RASA2: variants seen among roughly 807,000 people sequenced by gnomAD.
The protein encoded by RASA2 is RAS p21 protein activator 2.
In RASA2, 155 loss-of-function variants were observed where a neutral mutation model predicts 118.2. The observed-to-expected ratio is 1.31, with a 90% confidence interval of 1.15 to 1.50. The LOEUF (loss-of-function observed/expected upper bound fraction) is 1.50. Ranked by LOEUF, RASA2 falls within the 40% of genes most tolerant of loss-of-function variation. The probability of loss-of-function intolerance (pLI) is 0.00; values close to 1 mark genes in which losing one functional copy is unlikely to be tolerated. For missense variants in RASA2, 1,016 were observed against 1,009.6 expected (o/e 1.01, Z -0.09); for synonymous variants, 353 against 349.1 (o/e 1.01, Z -0.12).
At chr3:141,535,137 C>A (rs989016948) in intron 4 of RASA2, among the ~76,000 whole-genome samples, 1 of 152,136 alleles carries the variant, frequency 6.6e-6, no homozygotes, top group Non-Finnish European at 1.5e-5. Context: ...ATGCTCACCT[C>A]ATTTCTCTAT....
intron 1 of RASA2, among the ~76,000 whole-genome samples, chr3:141,507,746 A>G (rs2081890781): frequency 6.6e-6 from 1 of 152,210 alleles, no homozygotes; most frequent in Admixed American, 6.5e-5. Flanking sequence ...GAACATGAAC[A>G]TCTCCATGAC....
intron 1 of RASA2, among the ~76,000 whole-genome samples, chr3:141,509,441 C>T (rs577558269): frequency 2.0e-5 from 3 of 152,258 alleles, no homozygotes; most frequent in South Asian, 2.1e-4. Context: ...GTGAATGAAA[C>T]AGAAACATGT....
At chr3:141,498,035 G>T (rs191529503) in intron 1 of RASA2, among the ~76,000 whole-genome samples, 2 of 152,186 alleles carry the variant, frequency 1.3e-5, no homozygotes, top group African/African-American at 2.4e-5. Context: ...TATGACATTT[G>T]TGTGAGTGGT....
At chr3:141,563,908 C>G (rs965948654) in intron 9 of RASA2, among the ~76,000 whole-genome samples, 5 of 151,496 alleles carry the variant, frequency 3.3e-5, no homozygotes, top group Non-Finnish European at 7.4e-5. Context: ...TCAGAGAGTT[C>G]CCTACTCATT....
chr3:141,581,650 G>A (rs1355685009), intron 17 of RASA2, among the ~76,000 whole-genome samples: 2 of 152,178 alleles, frequency 1.3e-5, no homozygotes, highest in Admixed American at 6.5e-5. Context: ...GTCTCTGGGG[G>A]TAAAGGCTTT....
intron 4 of RASA2, among the ~76,000 whole-genome samples, chr3:141,531,876 G>T (rs1013369221): frequency 5.9e-5 from 9 of 151,950 alleles, no homozygotes; most frequent in African/African-American, 2.2e-4. Context: ...TATGAGTCTA[G>T]AAAAGATAGA....
At chr3:141,534,631 A>G (rs1180391319) in intron 4 of RASA2, among the ~76,000 whole-genome samples, 1 of 152,136 alleles carries the variant, frequency 6.6e-6, no homozygotes, top group African/African-American at 2.4e-5. Flanking sequence ...CTGTTTAAAA[A>G]GACATTTAAA....
chr3:141,577,091 G>T lies in RASA2; in HGVS notation c.1575G>T (p.Leu525Phe). Residue 525 changes from leucine to phenylalanine, a missense_variant, in exon 15 of 24, where the codon TTG (leucine) becomes TTT (phenylalanine). Around this residue, in one of 2 missense-constraint regions of RASA2, gnomAD observed 896 missense variants for 836.4 expected, o/e 1.07. Coordinates refer to ENST00000286364, the MANE Select transcript of RASA2 (RefSeq NM_006506.5). ...TAGTATCACCTCATACTTTTCATTT[G>T]CGACCTCATCATCCAGTAAGTGTTC... ...VAVVSPHTFHLRPHHPDAQTI... is the reference protein window; with the variant it reads ...VAVVSPHTFHFRPHHPDAQTI... 6.3e-7 allele frequency: 1 copy of T among 1,596,828 alleles called. No homozygotes were observed. The highest frequency in any genetic ancestry group is 8.6e-7 in the Non-Finnish European group (1 of 1,166,618).
intron 19 of RASA2, among the ~76,000 whole-genome samples, chr3:141,590,315 C>G (rs2083269201): frequency 6.6e-6 from 1 of 152,112 alleles, no homozygotes; most frequent in African/African-American, 2.4e-5. Context: ...TTTTTGTGTT[C>G]CTATGTTCGC....
chr3:141,573,978 A>G lies in RASA2; in HGVS notation c.1394A>G (p.Asn465Ser), dbSNP rs371059099. The G allele has an allele frequency of 2.1e-5, 33 of 1,590,734 alleles. No individual in the cohort carries two copies. In the African/African-American group the frequency reaches 2.6e-4, roughly 12 times the overall value. ...NLRYYVDKLF[N>S]TIVKSSMSCP... ...CGCTACTATGTAGACAAGTTATTCA[A>G]TACAATTGTAAAATCAAGTATGAGC... Residue 465 changes from asparagine to serine, a missense_variant, in exon 14 of 24, where the codon AAT becomes AGT. By Grantham distance (46) the Asn-to-Ser change is conservative (BLOSUM62 1). Coordinates refer to ENST00000286364, the MANE Select transcript of RASA2 (RefSeq NM_006506.5).
intron 1 of RASA2, among the ~76,000 whole-genome samples, chr3:141,497,177 A>T: frequency 2.3e-5 from 2 of 88,128 alleles, no homozygotes; most frequent in East Asian, 3.7e-4. Context: ...GGGTGGGGGG[A>T]GAGGGGAGGG....
chr3:141,607,996 C>T (rs1359722220), intron 20 of RASA2, among the ~76,000 whole-genome samples: 3 of 152,102 alleles, frequency 2.0e-5, no homozygotes, highest in Non-Finnish European at 2.9e-5. Context: ...CCTCATATAG[C>T]TTGCCTAGTT....
rs562292989 is a variant in RASA2, at chr3:141,498,440, G to A, written c.133+11224G>A. Reference sequence around the variant, plus strand: ...AGTGGATATTCAATAAAATTATGATGTTTGAATGCCATAAGAATTTATCTT... The same window carrying A: ...AGTGGATATTCAATAAAATTATGATATTTGAATGCCATAAGAATTTATCTT... On this transcript the variant is annotated intron_variant, in intron 1 of 23. Coordinates refer to ENST00000286364, the MANE Select transcript of RASA2 (RefSeq NM_006506.5). Among the ~76,000 whole-genome samples the A allele has an allele frequency of 8.6e-5, 13 of 150,990 alleles. No individual in the cohort carries two copies. The South Asian group carries it at 2.3e-3, about 26-fold the overall frequency.
intron 1 of RASA2, among the ~76,000 whole-genome samples, chr3:141,496,692 T>G (rs1344145830): frequency 6.6e-6 from 1 of 152,112 alleles, no homozygotes; most frequent in East Asian, 1.9e-4. Flanking sequence ...TGTGGAGAAA[T>G]AGGAACACTT....
In RASA2 at chr3:141,599,495, A is replaced by G. The variant is rs376356763; in HGVS notation, c.1934-8183A>G. ...ATTTGTTTCCCCTTTCTAGTGTATTAAAAAATGACATGCACTTTAATTTGC... is the reference window on the plus strand; with the variant it reads ...ATTTGTTTCCCCTTTCTAGTGTATTGAAAAATGACATGCACTTTAATTTGC... On this transcript the variant is annotated intron_variant, in intron 19 of 23. Transcript: ENST00000286364. 2.6e-4 allele frequency among the ~76,000 whole-genome samples: 39 copies of G among 152,314 alleles called. No homozygotes were observed. The South Asian group carries it at 7.7e-3, about 30-fold the overall frequency.
intron 1 of RASA2, among the ~76,000 whole-genome samples, chr3:141,488,088 A>G (rs934523144): frequency 4.6e-5 from 7 of 152,158 alleles, no homozygotes; most frequent in Non-Finnish European, 8.8e-5. Flanking sequence ...TTGTCCGAGC[A>G]TTACTGTGGA....
At chr3:141,580,524 A>T (rs2083095513) in intron 16 of RASA2, 73 bp downstream of exon 16, 1 of 1,170,978 alleles carries the variant, frequency 8.5e-7, no homozygotes. Context: ...CTTATCCTTG[A>T]CTTACCTTCT....
chr3:141,554,168 CT>C (rs2151114118), intron 6 of RASA2, among the ~76,000 whole-genome samples: 1 of 152,250 alleles, frequency 6.6e-6, no homozygotes, highest in South Asian at 2.1e-4. Context: ...TGCTCTTAGG[CT>C]TTAAGGAACA....
intron 3 of RASA2, among the ~76,000 whole-genome samples, chr3:141,518,164 A>G (rs2082055965): frequency 6.6e-6 from 1 of 151,820 alleles, no homozygotes; most frequent in African/African-American, 2.4e-5. Context: ...TATTTGAAAT[A>G]TGGTCAAGTC....
Sources: gnomAD v4.1 joint callset for allele counts (sites outside exome capture counted in the v4.1 genomes callset) on GRCh38, gnomAD v4.1.1 for gene constraint, gnomAD v4.1.1 regional missense constraint, MANE v1.5 for transcripts, NCBI Gene and HGNC (gene_info 2026-07-23, HGNC 2026-07-21) for gene names.